Variants in UGGT2 observed in about 807,000 individuals in gnomAD.
UGGT2 encodes UDP-glucose:glycoprotein glucosyltransferase 2.
UGGT2 carries 180 observed loss-of-function variants against 192.1 expected under a neutral mutation model. That is an observed-to-expected ratio of 0.94 (90% confidence interval 0.83 to 1.06). The LOEUF (loss-of-function observed/expected upper bound fraction) is 1.06. Ranked by LOEUF, UGGT2 falls within the 50% of genes least tolerant of loss-of-function variation. The probability of loss-of-function intolerance (pLI) is 0.00; values close to 1 mark genes in which losing one functional copy is unlikely to be tolerated. For synonymous variants in UGGT2, 580 were observed against 591.0 expected (o/e 0.98, Z 0.27); for missense variants, 1,849 against 1,795.7 (o/e 1.03, Z -0.54).
chr13:96,002,401 A>T (rs187129619), intron 5 of UGGT2, among the ~76,000 whole-genome samples: 1 of 152,300 alleles, frequency 6.6e-6, no homozygotes, highest in Admixed American at 6.5e-5. Context: ...TTTCATCACC[A>T]TCTAACATAA....
intron 29 of UGGT2, among the ~76,000 whole-genome samples, chr13:95,876,099 G>A (rs1392064701): frequency 6.6e-6 from 1 of 151,888 alleles, no homozygotes; most frequent in Non-Finnish European, 1.5e-5. Flanking sequence ...GACCACATGT[G>A]CTCTCAAATG....
At chr13:96,023,603 A>G (rs1301879756) in intron 3 of UGGT2, 26 bp downstream of exon 3, 5 of 1,594,454 alleles carry the variant, frequency 3.1e-6, no homozygotes, top group Non-Finnish European at 4.3e-6. Flanking sequence ...CTCTTTGTCA[A>G]ATACAGATTG....
chr13:95,856,254 A>C lies in UGGT2; in HGVS notation c.3912T>G (p.Thr1304=). ...AACCCCAAATAATCCTCTGTCTTTC[A>C]GTCTGTTGACGAAGCCAACGGGGCC... ...YRWPRWLRQQ[T]ERQRIIWGYK... Residue 1304 remains threonine, a synonymous_variant, in exon 34 of 39, where the codon ACT becomes ACG. Coordinates refer to ENST00000376747, the MANE Select transcript of UGGT2 (RefSeq NM_020121.4). 6.2e-7 allele frequency: 1 copy of C among 1,613,734 alleles called. No individual in the cohort carries two copies. The highest frequency in any genetic ancestry group is 8.5e-7 in the Non-Finnish European group (1 of 1,179,790).
Position 95,993,366 on chromosome 13 carries a change from C to T in UGGT2, c.830+2697G>A, listed in dbSNP as rs72636589. On this transcript the variant is annotated intron_variant, in intron 7 of 38. Coordinates refer to ENST00000376747, the MANE Select transcript of UGGT2 (RefSeq NM_020121.4). ...AATATATCCATGTAACAAACCTGCA[C>T]GTGTATGCCTTGAATCTAAAATAGA... is the stretch of plus-strand genomic sequence containing the variant. 4.1e-3 allele frequency among the ~76,000 whole-genome samples: 624 copies of T among 152,006 alleles called. 1 individual carries two copies. The highest frequency in any genetic ancestry group is 6.8e-3 in the Middle Eastern group (2 of 294).
chr13:96,042,810 A>G (rs752536128), intron 1 of UGGT2, among the ~76,000 whole-genome samples: 3 of 152,040 alleles, frequency 2.0e-5, no homozygotes, highest in Non-Finnish European at 2.9e-5. Context: ...TACAACAAAG[A>G]CAAAGAAAAA....
At chr13:96,038,929 T>A (rs986235410) in intron 1 of UGGT2, among the ~76,000 whole-genome samples, 1 of 152,212 alleles carries the variant, frequency 6.6e-6, no homozygotes, top group African/African-American at 2.4e-5. Context: ...TGATCCATCC[T>A]GGGGTAAAAT....
chr13:95,871,342 G>A (rs1891203369), intron 29 of UGGT2, among the ~76,000 whole-genome samples: 1 of 152,090 alleles, frequency 6.6e-6, no homozygotes, highest in African/African-American at 2.4e-5. Context: ...ATATAAAAAT[G>A]TTCAGAAAAG....
Position 95,990,033 on chromosome 13 carries a change from G to T in UGGT2, c.871C>A (p.Gln291Lys). The T allele has an allele frequency of 6.2e-7, 1 of 1,604,704 alleles. No homozygotes were observed. The highest frequency in any genetic ancestry group is 8.5e-7 in the Non-Finnish European group (1 of 1,175,238). The change falls in exon 8 of 39, where the codon CAA becomes AAA. Residue 291 changes from glutamine to lysine, a missense_variant. Transcript: ENST00000376747. ...TTGTTACTCTCAATCAGGTATTTTT[G>T]GAATGCTGTCAGATTATCTCTAAGA... ...SDLRDNLTAF[Q>K]KYLIESNKQM...
intron 1 of UGGT2, among the ~76,000 whole-genome samples, chr13:96,049,249 G>A (rs1485024994): frequency 2.6e-5 from 4 of 152,150 alleles, no homozygotes; most frequent in African/African-American, 4.8e-5. Context: ...TATCTTAATA[G>A]ATGCAGAAAA....
chr13:96,019,723 A>AGGT (rs2052458440), intron 4 of UGGT2, among the ~76,000 whole-genome samples: 1 of 152,214 alleles, frequency 6.6e-6, no homozygotes. Flanking sequence ...CAGACCAGAC[A>AGGT]GGTAGGCCAT....
Position 95,883,899 on chromosome 13 carries a change from A to C in UGGT2, c.3228+592T>G, listed in dbSNP as rs149311635. 6.7e-4 allele frequency among the ~76,000 whole-genome samples: 102 copies of C among 152,170 alleles called. 2 individuals are homozygous for C. In the East Asian group the frequency reaches 0.019, roughly 29 times the overall value. Reference sequence around the variant, plus strand: ...TTTAATACTTTCTTTCTGTGCTGTGAATTACAACAGCTGAGGAAGAGAAGT... The same window carrying C: ...TTTAATACTTTCTTTCTGTGCTGTGCATTACAACAGCTGAGGAAGAGAAGT... On this transcript the variant is annotated intron_variant, in intron 27 of 38. Coordinates refer to ENST00000376747, the MANE Select transcript of UGGT2 (RefSeq NM_020121.4).
Position 96,031,891 on chromosome 13 carries a change from G to C in UGGT2, c.239C>G (p.Thr80Arg), listed in dbSNP as rs202112823. ...TVQELAIYKQ[T>R]ESDYSYYNLI... ...GTTAAAATTTACATATCACCTACCT[G>C]TTTGCTTATAAATTGCTAATTCTTG... The change falls in exon 2 of 39, where the codon ACA becomes AGA. Residue 80 changes from threonine to arginine, a missense_variant and splice_region_variant. By Grantham distance (71) the Thr-to-Arg change is moderately conservative. Transcript: ENST00000376747. 6.2e-7 allele frequency: 1 copy of C among 1,604,608 alleles called. No individual in the cohort carries two copies. The highest frequency in any genetic ancestry group is 1.3e-5 in the African/African-American group (1 of 74,710).
intron 19 of UGGT2, 88 bp downstream of exon 19, chr13:95,926,940 C>T: frequency 4.0e-6 from 5 of 1,236,440 alleles, no homozygotes; most frequent in Non-Finnish European, 3.3e-6. Flanking sequence ...AAAATAGCAA[C>T]ATATTAAAAT....
At chr13:96,040,063 C>T (rs1362034547) in intron 1 of UGGT2, among the ~76,000 whole-genome samples, 1 of 152,194 alleles carries the variant, frequency 6.6e-6, no homozygotes, top group Non-Finnish European at 1.5e-5. Context: ...TACCAAACTT[C>T]TCAAAATTAT....
intron 20 of UGGT2, among the ~76,000 whole-genome samples, chr13:95,906,674 A>G (rs2048301564): frequency 6.6e-6 from 1 of 152,230 alleles, no homozygotes; most frequent in Non-Finnish European, 1.5e-5. Flanking sequence ...ACACCAGTCA[A>G]AATGTTAAAA....
chr13:95,801,776 C>CATAT lies in UGGT2; in HGVS notation c.*10_*13dup, dbSNP rs1183571070. ...CCTGTCATGCTTTCGCCTTCCTTCT[C>CATAT]ATATACACCAGTGCTAGAGTTCATC... On this transcript the variant is annotated 3_prime_UTR_variant, in exon 39 of 39. Coordinates refer to ENST00000376747, the MANE Select transcript of UGGT2 (RefSeq NM_020121.4). 6.2e-7 allele frequency: 1 copy of CATAT among 1,612,664 alleles called. No homozygotes were observed. The highest frequency in any genetic ancestry group is 1.3e-5 in the African/African-American group (1 of 74,988).
intron 25 of UGGT2, 38 bp downstream of exon 25, chr13:95,890,824 A>G (rs1566645372): frequency 6.5e-7 from 1 of 1,528,322 alleles, no homozygotes; most frequent in African/African-American, 1.4e-5. Context: ...TTATGAATTT[A>G]AAAACAAAAA....
intron 38 of UGGT2, among the ~76,000 whole-genome samples, chr13:95,810,225 G>T (rs1013760309): frequency 6.6e-6 from 1 of 152,098 alleles, no homozygotes; most frequent in Non-Finnish European, 1.5e-5. Flanking sequence ...GGGTCCCATG[G>T]TATTATTCAA....
Position 95,856,166 on chromosome 13 carries a change from C to T in UGGT2, c.4000G>A (p.Ala1334Thr), listed in dbSNP as rs1889590609. The change falls in exon 34 of 39, where the codon GCT becomes ACT. Residue 1334 changes from alanine to threonine, a missense_variant. Ala to Thr is a moderately conservative substitution (Grantham distance 58). Transcript: ENST00000376747. The part of the protein sequence containing the change: ...LAVDKIIFVD[A>T]DQIVRHDLKE... ...GTAGTTAACCTTATTACCTGGTCAG[C>T]ATCAACAAAAATGATTTTGTCCACT... 1.9e-6 allele frequency: 3 copies of T among 1,610,876 alleles called. No homozygotes were observed. In the African/African-American group the frequency reaches 4.0e-5, roughly 22 times the overall value.
Sources: gnomAD v4.1 joint callset for allele counts (sites outside exome capture counted in the v4.1 genomes callset) on GRCh38, gnomAD v4.1.1 for gene constraint, MANE v1.5 for transcripts, NCBI Gene and HGNC (gene_info 2026-07-23, HGNC 2026-07-21) for gene names.